The following MCF2L variants were observed in gnomAD, a reference collection of about 807,000 sequenced individuals.
MCF2L encodes the protein guanine nucleotide exchange factor DBS.
MCF2L carries 97 observed loss-of-function variants against 153.4 expected under a neutral mutation model. The observed-to-expected ratio is 0.63, with a 90% CI of 0.54 to 0.75. The LOEUF is 0.75. Ranked by LOEUF, MCF2L falls within the 30% of genes least tolerant of loss-of-function variation. The probability of loss-of-function intolerance (pLI) is 0.00; values close to 1 mark genes in which losing one functional copy is unlikely to be tolerated. For synonymous variants in MCF2L, 659 were observed against 632.2 expected (o/e 1.04, Z -0.64); for missense variants, 1,347 against 1,495.2 (o/e 0.90, Z 1.64).
At chr13:113,072,080 T>TA (rs1448138643) in intron 9 of MCF2L, among the ~76,000 whole-genome samples, 1 of 152,232 alleles carries the variant, frequency 6.6e-6, no homozygotes, top group Non-Finnish European at 1.5e-5. Flanking sequence ...TGACTTACCT[T>TA]TAATATTCCA....
rs2087482781 is a variant in MCF2L, at chr13:113,053,169, G to A, written c.370-7424G>A. 6.6e-6 allele frequency among the ~76,000 whole-genome samples: 1 copy of A among 152,174 alleles called. No homozygotes were observed. The highest frequency in any genetic ancestry group is 2.1e-4 in the South Asian group (1 of 4,832). ...GGCGAGTCTGCATCGCGGCCACACT[G>A]CCCTCTGGATGCCCACACATGGGGC... On this transcript the variant is annotated intron_variant, in intron 4 of 29. Transcript: ENST00000535094. This position sits in a 1 kb window ranked among gnomAD's most constrained non-coding sequence, Gnocchi z 4.4.
chr13:112,987,598 A>G (rs1349834316), intron 1 of MCF2L, among the ~76,000 whole-genome samples: 1 of 152,038 alleles, frequency 6.6e-6, no homozygotes, highest in Admixed American at 6.5e-5. Context: ...CCTGCGCTGC[A>G]TGCAACGTTT....
At chr13:113,030,759 AG>A (rs1350841576) in intron 3 of MCF2L, among the ~76,000 whole-genome samples, 2 of 152,224 alleles carry the variant, frequency 1.3e-5, no homozygotes, top group Non-Finnish European at 2.9e-5. Context: ...ATAGGAGCCA[AG>A]GTCTCAGAGA....
chr13:113,059,390 A>G (rs1300902872), intron 4 of MCF2L, among the ~76,000 whole-genome samples: 1 of 152,230 alleles, frequency 6.6e-6, no homozygotes, highest in Non-Finnish European at 1.5e-5. Context: ...CATCCTGGTG[A>G]GTCGGTCACT....
intron 1 of MCF2L, among the ~76,000 whole-genome samples, chr13:112,972,717 A>T (rs1356114982): frequency 5.8e-5 from 3 of 51,900 alleles, no homozygotes; most frequent in Non-Finnish European, 1.2e-4. Context: ...GGATGGATGG[A>T]TGACTGGATG....
chr13:113,094,449 C>T, intron 26 of MCF2L, 65 bp from the exon 27 acceptor site: 3 of 1,540,440 alleles, frequency 1.9e-6, no homozygotes, highest in Non-Finnish European at 2.6e-6. Context: ...GCTGACCCCA[C>T]CTCAGACAGA....
At chr13:113,059,947 A>G (rs113702186) in intron 4 of MCF2L, among the ~76,000 whole-genome samples, 2 of 152,248 alleles carry the variant, frequency 1.3e-5, no homozygotes, top group African/African-American at 4.8e-5. Flanking sequence ...GGCCATGGTA[A>G]CAAAGTAACT....
rs1220578526 is a variant in MCF2L, at chr13:113,053,135, A to G, written c.370-7458A>G. 1.3e-5 allele frequency among the ~76,000 whole-genome samples: 2 copies of G among 152,198 alleles called. No homozygotes were observed. The highest frequency in any genetic ancestry group is 4.8e-5 in the African/African-American group (2 of 41,426). Reference sequence around the variant, plus strand: ...TCTCCTGAGTGGAGCTGCCCTCTGCATAACCACAGGCGAGTCTGCATCGCG... The same window carrying G: ...TCTCCTGAGTGGAGCTGCCCTCTGCGTAACCACAGGCGAGTCTGCATCGCG... On this transcript the variant is annotated intron_variant, in intron 4 of 29. Transcript: ENST00000535094. The surrounding 1 kb of genome is among the most constrained non-coding windows in gnomAD (Gnocchi z 4.4).
intron 2 of MCF2L, among the ~76,000 whole-genome samples, chr13:112,903,957 T>G (rs551558007): frequency 9.2e-5 from 14 of 152,282 alleles, no homozygotes; most frequent in Admixed American, 3.9e-4. Flanking sequence ...ACTTAGCGCG[T>G]GCAGACAGCT....
At chr13:112,923,257 C>CTTTTTTTTTTT (rs57030206) in intron 2 of MCF2L, among the ~76,000 whole-genome samples, 3 of 78,478 alleles carry the variant, frequency 3.8e-5, no homozygotes, top group African/African-American at 5.2e-5. Context: ...GTGTTTGCTT[C>CTTTTTTTTTTT]TTTTTTTTTT....
intron 2 of MCF2L, among the ~76,000 whole-genome samples, chr13:112,923,099 T>A (rs1374833033): frequency 6.6e-6 from 1 of 152,204 alleles, no homozygotes; most frequent in Non-Finnish European, 1.5e-5. Flanking sequence ...AATTCTCGTA[T>A]ATAAGACACT....
In MCF2L at chr13:113,064,648, A is replaced by C; in HGVS notation, c.606+228A>C. The C allele has an allele frequency of 1.7e-6, 1 of 596,756 alleles. No individual in the cohort carries two copies. Among genetic ancestry groups the C allele is most frequent in the Non-Finnish European group, 3.0e-6 (1 of 337,170 alleles). 37.0% of individuals were successfully genotyped at this position (596,756 alleles called of 1,614,324 possible). A position where few individuals can be genotyped will look rare whatever the true frequency, so the allele number is the denominator to read the frequency against. On this transcript the variant is annotated intron_variant, in intron 6 of 29. Transcript: ENST00000535094. This position sits in a 1 kb window ranked among gnomAD's most constrained non-coding sequence, Gnocchi z 6.0. ...TCTGGGCTTGGAGACCAAAAAAAAAAAAAAAACCCTTGCGTTGTGGTTTGC... is the reference window on the plus strand; with the variant it reads ...TCTGGGCTTGGAGACCAAAAAAAAACAAAAAACCCTTGCGTTGTGGTTTGC...
Position 113,015,923 on chromosome 13 carries a change from C to T in MCF2L, c.163+1077C>T, listed in dbSNP as rs552839253. Among the ~76,000 whole-genome samples, 16 of 152,262 alleles carry T rather than the reference C, an allele frequency of 1.1e-4. No individual in the cohort carries two copies. The East Asian group carries it at 1.2e-3, about 11-fold the overall frequency. ...TCAAGAGAGGCGCCGTGGTTTCTGC[C>T]GGTTCCTCCTGCGTCCCCAGCCTCT... On this transcript the variant is annotated intron_variant, in intron 2 of 29. Transcript: ENST00000535094.
chr13:113,008,746 C>T (rs2083876057), intron 1 of MCF2L: 1 of 152,242 alleles, frequency 6.6e-6, no homozygotes, highest in African/African-American at 2.4e-5. Flanking sequence ...CTGTTTTCTC[C>T]AAGGTCCGAT....
At position 112,897,268 on chromosome 13, in the gene MCF2L, C is replaced by A. The variant is rs563203782; in HGVS notation, c.-5+2837C>A. 1.7e-3 allele frequency among the ~76,000 whole-genome samples: 261 copies of A among 152,198 alleles called. 1 individual carries two copies. The highest frequency in any genetic ancestry group is 5.9e-3 in the African/African-American group (247 of 41,530). On this transcript the variant is annotated intron_variant, in intron 1 of 29. Coordinates refer to the MCF2L transcript ENST00000375608. ...CGGTAGGATACGGGACACGGTATGG[C>A]CACCGAGAAGCTTTTGGACATCTGT...
Position 113,078,263 on chromosome 13 carries a change from G to A in MCF2L, c.1661-100G>A, listed in dbSNP as rs528921311. 19 of 961,488 alleles carry A rather than the reference G, an allele frequency of 2.0e-5. No homozygotes were observed. In the Admixed American group the frequency reaches 3.0e-4, roughly 15 times the overall value. 59.6% of individuals were successfully genotyped at this position (961,488 alleles called of 1,614,324 possible). ...GCCACCACCTGTGGCCTCAGAGGCCGAGTCCTACCCTCTCCTCGGGGCCTT... is the reference window on the plus strand; with the variant it reads ...GCCACCACCTGTGGCCTCAGAGGCCAAGTCCTACCCTCTCCTCGGGGCCTT... On this transcript the variant is annotated intron_variant, in intron 13 of 29. Coordinates refer to ENST00000535094, the MANE Select transcript of MCF2L (RefSeq NM_001112732.3).
At chr13:112,899,108 T>C (rs1330514870) in intron 1 of MCF2L, among the ~76,000 whole-genome samples, 2 of 152,196 alleles carry the variant, frequency 1.3e-5, no homozygotes, top group Admixed American at 1.3e-4. Context: ...GGCACCTGCG[T>C]CATAAACGAG....
intron 1 of MCF2L, among the ~76,000 whole-genome samples, chr13:112,997,521 C>T (rs531848181): frequency 1.3e-5 from 2 of 152,352 alleles, no homozygotes; most frequent in Admixed American, 6.5e-5. Flanking sequence ...TGGTGAGCCG[C>T]GCCCTCTGCA....
At chr13:113,052,324 T>A (rs2087400082) in intron 4 of MCF2L, among the ~76,000 whole-genome samples, 2 of 152,168 alleles carry the variant, frequency 1.3e-5, no homozygotes, top group Non-Finnish European at 2.9e-5. Context: ...TGGGACCAGG[T>A]GCCTCATGAG....
Sources: gnomAD v4.1 joint callset for allele counts (sites outside exome capture counted in the v4.1 genomes callset) on GRCh38, gnomAD v4.1.1 for gene constraint, Gnocchi (gnomAD v3.1) non-coding constraint, MANE v1.5 for transcripts, NCBI Gene and HGNC (gene_info 2026-07-23, HGNC 2026-07-21) for gene names.